LRMDA: variants seen among roughly 807,000 people sequenced by gnomAD.
LRMDA encodes the protein leucine rich melanocyte differentiation associated, also known as leucine-rich melanocyte differentiation-associated protein.
In LRMDA, 18 loss-of-function variants were observed where a neutral mutation model predicts 29.8. The observed-to-expected ratio is 0.60, with a 90% CI of 0.42 to 0.90. The LOEUF is 0.90. Ranked by LOEUF, LRMDA falls within the 40% of genes least tolerant of loss-of-function variation. The pLI, the probability that LRMDA is intolerant of heterozygous loss-of-function variation, is 0.00. For missense variants in LRMDA, 273 were observed against 273.9 expected, an observed-to-expected ratio of 1.00 and a Z score of 0.02; for synonymous variants, 125 against 109.4, an observed-to-expected ratio of 1.14 and a Z score of -0.89.
intron 2 of LRMDA, among the ~76,000 whole-genome samples, chr10:75,835,148 A>C (rs924039444): frequency 1.3e-5 from 2 of 152,226 alleles, no homozygotes; most frequent in African/African-American, 4.8e-5. Context: ...TAGAGGTCAG[A>C]AGTTCAAAAT....
chr10:76,072,067 G>T (rs1198470987), intron 5 of LRMDA, among the ~76,000 whole-genome samples: 1 of 152,170 alleles, frequency 6.6e-6, no homozygotes. Flanking sequence ...TATTAAAATG[G>T]TTAGACAGTT....
chr10:75,855,137 C>A lies in LRMDA; in HGVS notation c.132-180871C>A, dbSNP rs575517965. ...TTCTAGTTCTAGATCCCTGAGGAAT[C>A]GCCAGACTGACTTCCACAAGGGTTG... On this transcript the variant is annotated intron_variant, in intron 2 of 6. Coordinates refer to ENST00000611255, the MANE Select transcript of LRMDA (RefSeq NM_001305581.2). Among the ~76,000 whole-genome samples, 10 of 152,284 alleles carry A rather than the reference C, an allele frequency of 6.6e-5. No homozygotes were observed. The South Asian group carries it at 1.9e-3, about 28-fold the overall frequency.
intron 2 of LRMDA, among the ~76,000 whole-genome samples, chr10:75,687,574 G>A (rs1169106912): frequency 3.3e-5 from 5 of 152,248 alleles, no homozygotes; most frequent in Non-Finnish European, 7.3e-5. Flanking sequence ...TAACATGAAA[G>A]TGCAAGGTGA....
intron 5 of LRMDA, among the ~76,000 whole-genome samples, chr10:76,199,045 G>A (rs1437143191): frequency 6.6e-6 from 1 of 152,102 alleles, no homozygotes; most frequent in Non-Finnish European, 1.5e-5. Flanking sequence ...AATCTAGGCA[G>A]GTTATCTAGT....
At position 75,641,902 on chromosome 10, in the gene LRMDA, A is replaced by G. The variant is rs1225857821; in HGVS notation, c.131+203408A>G. Among the ~76,000 whole-genome samples the G allele has an allele frequency of 5.4e-4, 82 of 152,192 alleles. 2 individuals carry two copies. Among genetic ancestry groups the G allele is most frequent in the Admixed American group, 5.4e-3 (82 of 15,280 alleles). Reference sequence around the variant, plus strand: ...ACCTCTTAAAAAAAGAAGAAAGATAAATATTCTTTGTCAGGCCATGAAGTT... The same window carrying G: ...ACCTCTTAAAAAAAGAAGAAAGATAGATATTCTTTGTCAGGCCATGAAGTT... On this transcript the variant is annotated intron_variant, in intron 2 of 6. Transcript: ENST00000611255.
chr10:75,584,044 G>A (rs867475817), intron 2 of LRMDA, among the ~76,000 whole-genome samples: 29 of 152,192 alleles, frequency 1.9e-4, no homozygotes, highest in African/African-American at 6.0e-4. Flanking sequence ...CACGTGGTTC[G>A]CAAGGACCTG....
intron 2 of LRMDA, among the ~76,000 whole-genome samples, chr10:75,733,579 T>C (rs527652830): frequency 2.6e-5 from 4 of 152,316 alleles, no homozygotes; most frequent in African/African-American, 2.4e-5. Flanking sequence ...AGTGGGACTT[T>C]TTATTGAGAT....
At chr10:75,939,000 C>CTTAGTAATTGTTGAATTAGTGAA (rs1215223989) in intron 2 of LRMDA, among the ~76,000 whole-genome samples, 1 of 152,194 alleles carries the variant, frequency 6.6e-6, no homozygotes, top group Non-Finnish European at 1.5e-5. Context: ...CACCAATTAC[C>CTTAGTAATTGTTGAATTAGTGAA]TTAGTGAAAC....
intron 5 of LRMDA, among the ~76,000 whole-genome samples, chr10:76,077,894 G>C (rs979262061): frequency 2.0e-5 from 3 of 148,532 alleles, no homozygotes; most frequent in African/African-American, 7.4e-5. Context: ...TATGAAAGAA[G>C]ATGGTTTAGG....
chr10:75,622,957 T>G (rs967816725), intron 2 of LRMDA, among the ~76,000 whole-genome samples: 1 of 152,196 alleles, frequency 6.6e-6, no homozygotes. Context: ...CAAGGTAAAC[T>G]ATTTTGTTAT....
intron 6 of LRMDA, among the ~76,000 whole-genome samples, chr10:76,389,555 C>CA (rs1841698987): frequency 6.6e-6 from 1 of 152,030 alleles, no homozygotes; most frequent in African/African-American, 2.4e-5. Flanking sequence ...ATTGTGGTAC[C>CA]ACGATGACCA....
chr10:75,891,048 T>C (rs557133737), intron 2 of LRMDA, among the ~76,000 whole-genome samples: 33 of 151,702 alleles, frequency 2.2e-4, no homozygotes, highest in African/African-American at 6.8e-4. Context: ...GAGGTTGCAG[T>C]GAGCCAAGAT....
intron 5 of LRMDA, among the ~76,000 whole-genome samples, chr10:76,083,017 G>A (rs1438082986): frequency 6.6e-6 from 1 of 152,206 alleles, no homozygotes; most frequent in African/African-American, 2.4e-5. Flanking sequence ...CAGGGATTCA[G>A]TGGATGCATG....
At chr10:76,489,170 T>C (rs537428543) in intron 6 of LRMDA, among the ~76,000 whole-genome samples, 2 of 152,086 alleles carry the variant, frequency 1.3e-5, no homozygotes, top group African/African-American at 4.8e-5. Flanking sequence ...GGGAGACTTT[T>C]TATTACAGCT....
chr10:76,201,185 C>T (rs1851422365), intron 5 of LRMDA, among the ~76,000 whole-genome samples: 1 of 149,934 alleles, frequency 6.7e-6, no homozygotes, highest in South Asian at 2.1e-4. Flanking sequence ...TAACCTCTAC[C>T]TCCTGGGTAC....
intron 6 of LRMDA, among the ~76,000 whole-genome samples, chr10:76,412,967 G>A (rs953597466): frequency 2.6e-5 from 4 of 151,882 alleles, no homozygotes; most frequent in African/African-American, 7.3e-5. Flanking sequence ...GATTACAGCT[G>A]TTCTCCTGGT....
At chr10:76,315,669 G>A (rs2104206) in intron 5 of LRMDA, among the ~76,000 whole-genome samples, 139,442 of 152,160 alleles carry the variant, frequency 0.92, 64,588 homozygotes, top group Non-Finnish European at 0.96. Flanking sequence ...ACCCCTCAAC[G>A]TGAACAGCCT....
At chr10:76,083,688 G>T (rs1011045907) in intron 5 of LRMDA, among the ~76,000 whole-genome samples, 2 of 152,128 alleles carry the variant, frequency 1.3e-5, no homozygotes, top group Non-Finnish European at 2.9e-5. Flanking sequence ...CAAAAAATTA[G>T]CCAGATGTGG....
In LRMDA at chr10:75,826,393, C is replaced by T. The variant is rs150728916; in HGVS notation, c.132-209615C>T. On this transcript the variant is annotated intron_variant, in intron 2 of 6. Coordinates refer to ENST00000611255, the MANE Select transcript of LRMDA (RefSeq NM_001305581.2). ...GTGTGTGCACACACAAAGTTGCTTGCAACTGCTGTTTTCTTTTTGGGTAGA... is the reference window on the plus strand; with the variant it reads ...GTGTGTGCACACACAAAGTTGCTTGTAACTGCTGTTTTCTTTTTGGGTAGA... 3.2e-3 allele frequency among the ~76,000 whole-genome samples: 481 copies of T among 152,246 alleles called. 4 individuals are homozygous for T. The highest frequency in any genetic ancestry group is 0.011 in the African/African-American group (465 of 41,534).
Sources: gnomAD v4.1 joint callset for allele counts (sites outside exome capture counted in the v4.1 genomes callset) on GRCh38, gnomAD v4.1.1 for gene constraint, MANE v1.5 for transcripts, NCBI Gene and HGNC (gene_info 2026-07-23, HGNC 2026-07-21) for gene names.